ATP1B3: variants seen among roughly 807,000 people sequenced by gnomAD.
The protein encoded by ATP1B3 is ATPase Na+/K+ transporting subunit beta 3.
In ATP1B3, 10 loss-of-function variants were observed where a neutral mutation model predicts 30.2. The ratio of observed to expected loss-of-function variants is 0.33; its 90% CI spans 0.20 to 0.56. The LOEUF (loss-of-function observed/expected upper bound fraction) is 0.56, where lower values mean the gene tolerates loss of function less well. Among genes scored for constraint, ATP1B3 ranks in the 20% least tolerant of loss-of-function variants. The probability of loss-of-function intolerance (pLI) is 0.90; values close to 1 mark genes in which losing one functional copy is unlikely to be tolerated. For synonymous variants in ATP1B3, 113 were observed against 117.0 expected (o/e 0.97, Z 0.22); for missense variants, 238 against 336.7 (o/e 0.71, Z 2.29).
chr3:141,918,019 C>T (rs1311179649), intron 5 of ATP1B3, among the ~76,000 whole-genome samples: 3 of 152,070 alleles, frequency 2.0e-5, no homozygotes, highest in Non-Finnish European at 2.9e-5. Context: ...CCGCCCGCCT[C>T]AGCCTCCCAA....
intron 3 of ATP1B3, among the ~76,000 whole-genome samples, chr3:141,913,195 G>C (rs1934395352): frequency 6.7e-6 from 1 of 149,532 alleles, no homozygotes; most frequent in African/African-American, 2.5e-5. Flanking sequence ...ATTCAGCTCA[G>C]TTGCTTTTTT....
intron 1 of ATP1B3, among the ~76,000 whole-genome samples, chr3:141,898,956 ACC>A (rs1934115647): frequency 2.0e-5 from 3 of 152,314 alleles, no homozygotes; most frequent in Non-Finnish European, 4.4e-5. Context: ...CCTTGAAAAC[ACC>A]TTACATGGAA....
intron 3 of ATP1B3, among the ~76,000 whole-genome samples, chr3:141,913,320 C>T (rs529428071): frequency 1.1e-4 from 16 of 152,216 alleles, no homozygotes; most frequent in Admixed American, 3.9e-4. Context: ...AGGGCAGCAG[C>T]AGTGCCTTTT....
chr3:141,916,637 A>T, intron 5 of ATP1B3: 1 of 1,077,406 alleles, frequency 9.3e-7, no homozygotes, highest in Non-Finnish European at 1.2e-6. Flanking sequence ...TAACATTTCA[A>T]CTCTGATTGT....
At position 141,879,224 on chromosome 3, in the gene ATP1B3, T is replaced by C. The variant is rs149108365; in HGVS notation, c.109+2314T>C. The stretch of plus-strand genomic sequence containing the variant: ...GTATATTGTGGGCATCTTTCCATGT[T>C]ACTAAAGATTTTTAGACAGGTTTCC... On this transcript the variant is annotated intron_variant, in intron 1 of 6. Transcript: ENST00000286371. 5.3e-4 allele frequency among the ~76,000 whole-genome samples: 81 copies of C among 152,290 alleles called. 1 individual carries two copies. The highest frequency in any genetic ancestry group is 1.8e-3 in the African/African-American group (76 of 41,552).
intron 5 of ATP1B3, chr3:141,918,673 G>C (rs190556663): frequency 6.6e-6 from 1 of 152,106 alleles, no homozygotes; most frequent in South Asian, 2.1e-4. Context: ...CCCTGACCTC[G>C]TGATTCGTCT....
In ATP1B3 at chr3:141,925,808, G is replaced by A. The variant is rs993453736; in HGVS notation, c.*107G>A. Reference sequence around the variant, plus strand: ...ATGAGACCACCTTGGAGAAAGGTGTGTGGTACATGACATTGGGTTACATCA... The same window carrying A: ...ATGAGACCACCTTGGAGAAAGGTGTATGGTACATGACATTGGGTTACATCA... On this transcript the variant is annotated 3_prime_UTR_variant, in exon 7 of 7. Transcript: ENST00000286371. 2.2e-5 allele frequency: 30 copies of A among 1,355,520 alleles called. No homozygotes were observed. Among genetic ancestry groups the A allele is most frequent in the Non-Finnish European group, 3.0e-5 (29 of 981,500 alleles). 84.0% of individuals were successfully genotyped at this position (1,355,520 alleles called of 1,614,324 possible).
chr3:141,882,018 A>G (rs537386110), intron 1 of ATP1B3, among the ~76,000 whole-genome samples: 10 of 152,194 alleles, frequency 6.6e-5, no homozygotes, highest in Non-Finnish European at 1.2e-4. Context: ...CTTTAAGATT[A>G]TTAAAGAGCC....
At chr3:141,896,719 A>G (rs1352066231) in intron 1 of ATP1B3, among the ~76,000 whole-genome samples, 3 of 152,078 alleles carry the variant, frequency 2.0e-5, no homozygotes, top group Admixed American at 2.0e-4. Context: ...TTTTATTTCA[A>G]TAATCAGAAT....
At chr3:141,904,069 G>A (rs146423126) in intron 2 of ATP1B3, among the ~76,000 whole-genome samples, 5,967 of 152,342 alleles carry the variant, frequency 0.039, 171 homozygotes, top group Non-Finnish European at 0.056. Context: ...ACAGGCGTGA[G>A]CCACTGTGCC....
At chr3:141,879,779 A>AAAAAAAAAAAAAAAAAC (rs111928466) in intron 1 of ATP1B3, among the ~76,000 whole-genome samples, 1 of 126,052 alleles carries the variant, frequency 7.9e-6, no homozygotes, top group Non-Finnish European at 1.6e-5. Context: ...TCTCCATCTC[A>AAAAAAAAAAAAAAAAAC]AAAAAAAAAA....
intron 4 of ATP1B3, among the ~76,000 whole-genome samples, chr3:141,914,932 C>T (rs1175281520): frequency 6.6e-6 from 1 of 152,154 alleles, no homozygotes. Context: ...AATGTTTCAA[C>T]CAGACCTTAT....
intron 4 of ATP1B3, among the ~76,000 whole-genome samples, chr3:141,915,214 G>A (rs3804772): frequency 0.089 from 13,503 of 152,222 alleles, 744 homozygotes; most frequent in East Asian, 0.16. Flanking sequence ...TCAGGGCATG[G>A]CTTTGTCAGG....
intron 3 of ATP1B3, among the ~76,000 whole-genome samples, chr3:141,911,745 T>G (rs887626267): frequency 6.6e-6 from 1 of 152,220 alleles, no homozygotes; most frequent in African/African-American, 2.4e-5. Flanking sequence ...TCTGCCCATC[T>G]CAGCCTCCCA....
intron 5 of ATP1B3, among the ~76,000 whole-genome samples, chr3:141,920,173 C>T (rs1934541850): frequency 6.6e-6 from 1 of 152,028 alleles, no homozygotes; most frequent in East Asian, 1.9e-4. Flanking sequence ...GCCGTGATGG[C>T]CTTAACTCTG....
At chr3:141,889,315 T>C (rs188094397) in intron 1 of ATP1B3, among the ~76,000 whole-genome samples, 2 of 152,272 alleles carry the variant, frequency 1.3e-5, no homozygotes, top group Admixed American at 6.5e-5. Context: ...ATATATTTCT[T>C]TCTGATGAAT....
intron 5 of ATP1B3, among the ~76,000 whole-genome samples, chr3:141,920,583 T>C (rs2107779733): frequency 6.6e-6 from 1 of 152,124 alleles, no homozygotes; most frequent in East Asian, 1.9e-4. Context: ...AAACTGTTTC[T>C]CAAAAAAAAT....
intron 1 of ATP1B3, among the ~76,000 whole-genome samples, chr3:141,884,505 A>G (rs1479008734): frequency 2.0e-5 from 3 of 152,166 alleles, no homozygotes; most frequent in Non-Finnish European, 2.9e-5. Flanking sequence ...AAGGATAGAA[A>G]GTATTGATCC....
chr3:141,916,468 C>A, intron 5 of ATP1B3: 3 of 904,282 alleles, frequency 3.3e-6, no homozygotes, highest in Non-Finnish European at 4.7e-6. Flanking sequence ...CTCCCCTATC[C>A]CTACTTACTT....
Sources: allele counts gnomAD v4.1 joint callset (sites outside exome capture counted in the v4.1 genomes callset), GRCh38; gene constraint gnomAD v4.1.1; transcripts MANE v1.5; gene names NCBI Gene and HGNC (gene_info 2026-07-23, HGNC 2026-07-21).